The following KIF26B variants were observed in gnomAD, a reference collection of about 807,000 sequenced individuals.
KIF26B encodes the protein kinesin-like protein KIF26B.
A neutral mutation model predicts 151.2 loss-of-function variants in KIF26B; 63 were observed. That is an observed-to-expected ratio of 0.42 (90% CI 0.34 to 0.51). The LOEUF (loss-of-function observed/expected upper bound fraction) is 0.51, where lower values mean the gene tolerates loss of function less well. Among genes scored for constraint, KIF26B ranks in the 20% least tolerant of loss-of-function variants. The pLI, the probability that KIF26B is intolerant of heterozygous loss-of-function variation, is 0.07. For synonymous variants in KIF26B, 1,357 were observed against 1,262.1 expected, an observed-to-expected ratio of 1.08 and a Z score of -1.59; for missense variants, 2,813 against 2,913.6, an observed-to-expected ratio of 0.97 and a Z score of 0.79.
chr1:245,326,932 ACATC>A (rs1672001254), intron 2 of KIF26B, among the ~76,000 whole-genome samples: 1 of 152,178 alleles, frequency 6.6e-6, no homozygotes, highest in Admixed American at 6.5e-5. Context: ...TCTTGCCTTC[ACATC>A]CATCTCTCAG....
At position 245,495,251 on chromosome 1, in the gene KIF26B, G is replaced by A. The variant is rs1186598804; in HGVS notation, c.1167-45516G>A. Among the ~76,000 whole-genome samples, 1 of 152,090 alleles carries A rather than the reference G, an allele frequency of 6.6e-6. No homozygotes were observed. The highest frequency in any genetic ancestry group is 1.5e-5 in the Non-Finnish European group (1 of 68,016). On this transcript the variant is annotated intron_variant, in intron 4 of 14. Coordinates refer to ENST00000407071, the MANE Select transcript of KIF26B (RefSeq NM_018012.4). The surrounding 1 kb of genome is among the most constrained non-coding windows in gnomAD (Gnocchi z 4.2). ...TCAAAATACAGAAAAGAGCAGAAGAGACATATGGAACACATGTAACATATA... is the reference window on the plus strand; with the variant it reads ...TCAAAATACAGAAAAGAGCAGAAGAAACATATGGAACACATGTAACATATA...
chr1:245,269,278 C>T (rs12138019), intron 2 of KIF26B, among the ~76,000 whole-genome samples: 50,912 of 125,482 alleles, frequency 0.41, 11,160 homozygotes, highest in East Asian at 0.6. Context: ...TCCCACCCAA[C>T]GGCCCCTCTC....
chr1:245,263,098 C>G (rs1670677186), intron 2 of KIF26B, among the ~76,000 whole-genome samples: 1 of 152,208 alleles, frequency 6.6e-6, no homozygotes, highest in African/African-American at 2.4e-5. Flanking sequence ...CTTCAGAAGA[C>G]TGCATCAGAC....
intron 3 of KIF26B, among the ~76,000 whole-genome samples, chr1:245,415,399 A>C (rs1413034465): frequency 6.6e-6 from 1 of 152,030 alleles, no homozygotes; most frequent in Non-Finnish European, 1.5e-5. Context: ...CCTAGAGAGG[A>C]TTTGCAGGGC....
chr1:245,365,005 A>G (rs1313729782), intron 2 of KIF26B, among the ~76,000 whole-genome samples: 2 of 152,250 alleles, frequency 1.3e-5, no homozygotes, highest in African/African-American at 4.8e-5. Context: ...ATTGATGGAT[A>G]TGGCTCTTTG....
In KIF26B at chr1:245,336,411, T is replaced by A. The variant is rs370282283; in HGVS notation, c.466-30423T>A. ...CAAGACAGGGGTCATGGTATGCGGG[T>A]GCCTCCGACTGGCGGCTGCGTGGTG... On this transcript the variant is annotated intron_variant, in intron 2 of 14. Coordinates refer to ENST00000407071, the MANE Select transcript of KIF26B (RefSeq NM_018012.4). Among the ~76,000 whole-genome samples, 7 of 152,334 alleles carry A rather than the reference T, an allele frequency of 4.6e-5. No homozygotes were observed. The East Asian group carries it at 7.7e-4, about 17-fold the overall frequency.
In KIF26B at chr1:245,264,995, C is replaced by G. The variant is rs563039544; in HGVS notation, c.466-101839C>G. Among the ~76,000 whole-genome samples, 901 of 150,618 alleles carry G rather than the reference C, an allele frequency of 6.0e-3. 4 individuals carry two copies. Among genetic ancestry groups the G allele is most frequent in the African/African-American group, 0.021 (842 of 40,634 alleles). On this transcript the variant is annotated intron_variant, in intron 2 of 14. Transcript: ENST00000407071. ...CGGGCAGATCACAAGGTCAGGAGATCGAGACCATCCTGGCTAACACGGTGA... is the reference window on the plus strand; with the variant it reads ...CGGGCAGATCACAAGGTCAGGAGATGGAGACCATCCTGGCTAACACGGTGA...
At chr1:245,577,317 C>T (rs1434117544) in intron 5 of KIF26B, among the ~76,000 whole-genome samples, 2 of 152,176 alleles carry the variant, frequency 1.3e-5, no homozygotes, top group Non-Finnish European at 2.9e-5. Flanking sequence ...ACAAAAATGT[C>T]CCCTGTCACA....
rs2043392000 is a variant in KIF26B at position 245,601,167 on chromosome 1, A to T, written c.1351-1410A>T. On this transcript the variant is annotated intron_variant, in intron 5 of 14. Transcript: ENST00000407071. The surrounding 1 kb of genome is among the most constrained non-coding windows in gnomAD (Gnocchi z 4.4). ...AACCCTCAGAGGTAGAGTGCGTCCC[A>T]CACTCGGGCTCCTTCTACTGGGACA... 1.3e-5 allele frequency among the ~76,000 whole-genome samples: 2 copies of T among 152,232 alleles called. No homozygotes were observed. Among genetic ancestry groups the T allele is most frequent in the Admixed American group, 1.3e-4 (2 of 15,282 alleles).
At chr1:245,382,140 A>G (rs80091149) in intron 3 of KIF26B, among the ~76,000 whole-genome samples, 8,057 of 152,206 alleles carry the variant, frequency 0.053, 711 homozygotes, top group African/African-American at 0.18. Flanking sequence ...TTGGGGAGCC[A>G]CCATACTGTT....
At chr1:245,310,996 A>G (rs145489997) in intron 2 of KIF26B, among the ~76,000 whole-genome samples, 156 of 152,174 alleles carry the variant, frequency 1.0e-3, no homozygotes, top group African/African-American at 3.7e-3. Flanking sequence ...ACCCCACCTC[A>G]CTGTCTTGCC....
intron 2 of KIF26B, among the ~76,000 whole-genome samples, chr1:245,276,993 C>T (rs780492382): frequency 6.1e-4 from 93 of 152,136 alleles, no homozygotes; most frequent in Non-Finnish European, 1.1e-3. Flanking sequence ...ATGGAGGAGA[C>T]ACAAACACAG....
At chr1:245,347,555 C>G (rs1230474331) in intron 2 of KIF26B, among the ~76,000 whole-genome samples, 1 of 152,218 alleles carries the variant, frequency 6.6e-6, no homozygotes, top group Non-Finnish European at 1.5e-5. Flanking sequence ...CTCCCGGGCT[C>G]AAGCAATCCT....
At chr1:245,676,200 T>C (rs542178544) in intron 10 of KIF26B, 3 of 152,350 alleles carry the variant, frequency 2.0e-5, no homozygotes, top group African/African-American at 7.2e-5. Flanking sequence ...ATTTCTAATA[T>C]CGTACCTGAG....
chr1:245,156,755 T>C, intron 2 of KIF26B, 72 bp downstream of exon 2: 2 of 998,574 alleles, frequency 2.0e-6, no homozygotes, highest in Non-Finnish European at 2.7e-6. Flanking sequence ...CAGCAGCTGC[T>C]CAGCCCGCCG....
Position 245,394,733 on chromosome 1 carries a change from C to T in KIF26B, c.1000-24846C>T, listed in dbSNP as rs149084011. ...GAGATGGAGTTTCACTCTTGTTGCC[C>T]GGGCTAGAGTGCAATGGCACGATCT... On this transcript the variant is annotated intron_variant, in intron 3 of 14. Transcript: ENST00000407071. 4.0e-3 allele frequency among the ~76,000 whole-genome samples: 531 copies of T among 131,460 alleles called. 3 individuals are homozygous for T. The highest frequency in any genetic ancestry group is 0.016 in the African/African-American group (500 of 32,190). The allele number at this position is 131,460 out of a possible 152,430, so 86.2% of individuals were successfully genotyped here.
At chr1:245,253,642 A>G (rs1052750140) in intron 2 of KIF26B, among the ~76,000 whole-genome samples, 6 of 151,998 alleles carry the variant, frequency 3.9e-5, no homozygotes, top group African/African-American at 9.7e-5. Flanking sequence ...CTCTAAAGGC[A>G]TTTGGACATG....
chr1:245,619,843 G>A (rs1474805793), intron 9 of KIF26B, among the ~76,000 whole-genome samples: 1 of 151,158 alleles, frequency 6.6e-6, no homozygotes, highest in Non-Finnish European at 1.5e-5. Flanking sequence ...AACCTGGGAG[G>A]CGGAGCTTGC....
intron 2 of KIF26B, among the ~76,000 whole-genome samples, chr1:245,277,663 G>A (rs903440942): frequency 6.6e-6 from 1 of 152,098 alleles, no homozygotes; most frequent in East Asian, 1.9e-4. Flanking sequence ...TAAAAGAAAC[G>A]TCCTAAAAGC....
Sources: gnomAD v4.1 joint callset for allele counts (sites outside exome capture counted in the v4.1 genomes callset) on GRCh38, gnomAD v4.1.1 for gene constraint, Gnocchi (gnomAD v3.1) non-coding constraint, MANE v1.5 for transcripts, NCBI Gene and HGNC (gene_info 2026-07-23, HGNC 2026-07-21) for gene names.